AK1: variants seen among roughly 807,000 people sequenced by gnomAD.
AK1 encodes the protein adenylate kinase 1, also known as adenylate kinase isoenzyme 1.
AK1 carries 13 observed loss-of-function variants against 23.9 expected under a neutral mutation model. The observed-to-expected ratio is 0.54, with a 90% confidence interval of 0.35 to 0.86. The LOEUF (loss-of-function observed/expected upper bound fraction) is 0.86. Among genes scored for constraint, AK1 ranks in the 40% least tolerant of loss-of-function variants. The probability of loss-of-function intolerance (pLI) is 0.01; values close to 1 mark genes in which losing one functional copy is unlikely to be tolerated. For missense variants in AK1, 214 were observed against 255.1 expected, an observed-to-expected ratio of 0.84 and a Z score of 1.10; for synonymous variants, 97 against 102.8, an observed-to-expected ratio of 0.94 and a Z score of 0.34.
Position 127,877,295 on chromosome 9 carries a change from C to T in AK1, c.-33+328G>A, listed in dbSNP as rs996342999. On this transcript the variant is annotated intron_variant, in intron 1 of 6. Coordinates refer to ENST00000644144, the MANE Select transcript of AK1 (RefSeq NM_000476.3). The surrounding 1 kb of genome is among the most constrained non-coding windows in gnomAD (Gnocchi z 5.2). ...GGCCACAGCTCTCCCTCTCTGGGCCCAAGCTGGGACATGCCAAGGGCAGTG... is the reference window on the plus strand; with the variant it reads ...GGCCACAGCTCTCCCTCTCTGGGCCTAAGCTGGGACATGCCAAGGGCAGTG... 7.9e-5 allele frequency among the ~76,000 whole-genome samples: 12 copies of T among 152,100 alleles called. No individual in the cohort carries two copies. Among genetic ancestry groups the T allele is most frequent in the African/African-American group, 2.7e-4 (11 of 41,424 alleles).
At chr9:127,870,585 A>C (rs1227132223) in intron 5 of AK1, among the ~76,000 whole-genome samples, 3 of 152,164 alleles carry the variant, frequency 2.0e-5, no homozygotes, top group African/African-American at 7.2e-5. Context: ...AGGCCAGGAC[A>C]TCTTTCAGAA....
At chr9:127,870,436 T>G (rs537853601) in intron 5 of AK1, among the ~76,000 whole-genome samples, 1 of 152,286 alleles carries the variant, frequency 6.6e-6, no homozygotes, top group East Asian at 1.9e-4. Flanking sequence ...TGACCTCAAG[T>G]GATCTGCCCT....
At chr9:127,875,228 CAG>C (rs1829511168) in intron 1 of AK1, among the ~76,000 whole-genome samples, 1 of 151,986 alleles carries the variant, frequency 6.6e-6, no homozygotes. Context: ...GAGGCGGTCC[CAG>C]GCTCTTCACC....
In AK1 at chr9:127,871,005, G is replaced by A. The variant is rs191736725; in HGVS notation, c.324+818C>T. Among the ~76,000 whole-genome samples, 17 of 151,886 alleles carry A rather than the reference G, an allele frequency of 1.1e-4. No homozygotes were observed. In the East Asian group the frequency reaches 2.1e-3, roughly 19 times the overall value. On this transcript the variant is annotated intron_variant, in intron 5 of 6. Coordinates refer to ENST00000644144, the MANE Select transcript of AK1 (RefSeq NM_000476.3). The surrounding 1 kb of genome is among the most constrained non-coding windows in gnomAD (Gnocchi z 4.4). ...TGTGTGTGCACAGGGCCATGTGTGC[G>A]AGCACGTGTGCATTCCTGCATATGT...
At position 127,871,919 on chromosome 9, in the gene AK1, G is replaced by C. The variant is rs1829420896; in HGVS notation, c.228C>G (p.Leu76=). ...TGACTTTGGCCACCATGGCATCCCGGAGCATGTCCAACACTGTCTCCTGGG... is the reference window on the plus strand; with the variant it reads ...TGACTTTGGCCACCATGGCATCCCGCAGCATGTCCAACACTGTCTCCTGGG... The part of the protein sequence containing the change: ...LVPLETVLDM[L]RDAMVAKVNT... Residue 76 remains leucine, a synonymous_variant, in exon 5 of 7, where the codon CTC becomes CTG. Transcript: ENST00000644144. This position sits in a 1 kb window ranked among gnomAD's most constrained non-coding sequence, Gnocchi z 4.4. The C allele has an allele frequency of 2.5e-6, 4 of 1,613,940 alleles. No individual in the cohort carries two copies. In the South Asian group the frequency reaches 3.3e-5, roughly 13 times the overall value.
chr9:127,867,760 G>T lies in AK1; in HGVS notation c.*248C>A. 2 of 499,656 alleles carry T rather than the reference G, an allele frequency of 4.0e-6. No individual in the cohort carries two copies. The highest frequency in any genetic ancestry group is 3.7e-6 in the Non-Finnish European group (1 of 273,602). The allele number at this position is 499,656 out of a possible 1,614,324, so 31.0% of individuals were successfully genotyped here. A position where few individuals can be genotyped will look rare whatever the true frequency, so the allele number is the denominator to read the frequency against. On this transcript the variant is annotated 3_prime_UTR_variant, in exon 7 of 7. Transcript: ENST00000644144. ...CTGAGGAGGAACGGAGGGTTGAGGG[G>T]CTGGGGACTTGCGGCCAGGTAGGCA...
At position 127,867,611 on chromosome 9, in the gene AK1, A is replaced by G. The variant is rs556595957; in HGVS notation, c.*397T>C. 21 of 278,932 alleles carry G rather than the reference A, an allele frequency of 7.5e-5. 1 individual carries two copies. In the South Asian group the frequency reaches 8.2e-4, roughly 11 times the overall value. 17.3% of individuals were successfully genotyped at this position (278,932 alleles called of 1,614,324 possible). ...AGGCTGGGACCGGTTCTGCCTGAAC[A>G]TGAGCCCCTCGGAGCAGGGGCCCCG... On this transcript the variant is annotated 3_prime_UTR_variant, in exon 7 of 7. Transcript: ENST00000644144.
chr9:127,874,855 TC>T, intron 1 of AK1: 1 of 578,940 alleles, frequency 1.7e-6, no homozygotes, highest in Non-Finnish European at 3.1e-6. Flanking sequence ...TCACCTTTCC[TC>T]TCTGGCCTCC....
rs936048713 is a variant in AK1, at chr9:127,867,639, A to G, written c.*369T>C. ...AGCCCCTCGGAGCAGGGGCCCCGCC[A>G]CTCAGCGCCGGGTCCTCAGGCCAGG... On this transcript the variant is annotated 3_prime_UTR_variant, in exon 7 of 7. Transcript: ENST00000644144. The G allele has an allele frequency of 1.4e-5, 4 of 295,868 alleles. No homozygotes were observed. Among genetic ancestry groups the G allele is most frequent in the Non-Finnish European group, 2.6e-5 (4 of 151,368 alleles). The allele number at this position is 295,868 out of a possible 1,614,324, so 18.3% of individuals were successfully genotyped here.
chr9:127,871,756 G>A lies in AK1; in HGVS notation c.324+67C>T, dbSNP rs1028689944. 9.6e-5 allele frequency: 131 copies of A among 1,361,904 alleles called. 1 individual carries two copies. The African/African-American group carries it at 1.2e-3, about 12-fold the overall frequency. 84.4% of individuals were successfully genotyped at this position (1,361,904 alleles called of 1,614,324 possible). ...CCTGCATCACAGCCCCCGCAGGCCC[G>A]CCCATGGGGATGGGAGTCTTATCCT... On this transcript the variant is annotated intron_variant, in intron 5 of 6. Coordinates refer to ENST00000644144, the MANE Select transcript of AK1 (RefSeq NM_000476.3). The surrounding 1 kb of genome is among the most constrained non-coding windows in gnomAD (Gnocchi z 4.4).
At chr9:127,870,730 C>T (rs948375013) in intron 5 of AK1, among the ~76,000 whole-genome samples, 6 of 151,958 alleles carry the variant, frequency 3.9e-5, no homozygotes, top group Non-Finnish European at 5.9e-5. Flanking sequence ...TGCAGCCACT[C>T]AGAGGTCAGA....
chr9:127,873,854 G>A, intron 2 of AK1: 7 of 985,452 alleles, frequency 7.1e-6, no homozygotes, highest in Non-Finnish European at 8.4e-6. Context: ...ACTTAGGAAA[G>A]GCCTGCCCCT....
chr9:127,875,542 G>A (rs1043933701), intron 1 of AK1, among the ~76,000 whole-genome samples: 4 of 149,862 alleles, frequency 2.7e-5, no homozygotes, highest in Non-Finnish European at 5.9e-5. Context: ...GACCCCACCC[G>A]CACCGGGACC....
intron 2 of AK1, chr9:127,874,118 G>A: frequency 1.0e-6 from 1 of 985,466 alleles, no homozygotes; most frequent in Non-Finnish European, 1.2e-6. Flanking sequence ...GCCAGGAACT[G>A]GACGGATGGT....
chr9:127,875,905 G>A (rs1443600685), intron 1 of AK1, among the ~76,000 whole-genome samples: 1 of 152,154 alleles, frequency 6.6e-6, no homozygotes, highest in Non-Finnish European at 1.5e-5. Context: ...CCTCCACATG[G>A]GCCTTGAAGC....
rs1269937602 is a variant in AK1, at chr9:127,867,676, C to G, written c.*332G>C. The G allele has an allele frequency of 2.8e-6, 1 of 362,560 alleles. No homozygotes were observed. Among genetic ancestry groups the G allele is most frequent in the Non-Finnish European group, 5.3e-6 (1 of 188,632 alleles). 22.5% of individuals were successfully genotyped at this position (362,560 alleles called of 1,614,324 possible). A position where few individuals can be genotyped will look rare whatever the true frequency, so the allele number is the denominator to read the frequency against. On this transcript the variant is annotated 3_prime_UTR_variant, in exon 7 of 7. Coordinates refer to ENST00000644144, the MANE Select transcript of AK1 (RefSeq NM_000476.3). The stretch of plus-strand genomic sequence containing the variant: ...GTCCTCAGGCCAGGCATGCCCTGTG[C>G]GAGGAAGGGCCCCGGGCCTCCCACC...
At chr9:127,876,937 C>T (rs1188096414) in intron 1 of AK1, among the ~76,000 whole-genome samples, 1 of 152,228 alleles carries the variant, frequency 6.6e-6, no homozygotes, top group Admixed American at 6.5e-5. Context: ...CCAAGGCAAG[C>T]CCAGGTCTCC....
chr9:127,874,287 G>T (rs1174400706), intron 2 of AK1: 3 of 985,296 alleles, frequency 3.0e-6, no homozygotes, highest in Non-Finnish European at 3.6e-6. Flanking sequence ...ACGGGGAATT[G>T]CCTTGTCCTC....
chr9:127,876,721 T>C (rs1393811725), intron 1 of AK1, among the ~76,000 whole-genome samples: 3 of 137,434 alleles, frequency 2.2e-5, no homozygotes, highest in Non-Finnish European at 4.6e-5. Context: ...TGCCACTTCC[T>C]TGATCCAAAA....
Sources: allele counts gnomAD v4.1 joint callset (sites outside exome capture counted in the v4.1 genomes callset), GRCh38; gene constraint gnomAD v4.1.1; non-coding constraint Gnocchi (gnomAD v3.1); transcripts MANE v1.5; gene names NCBI Gene and HGNC (gene_info 2026-07-23, HGNC 2026-07-21).